UTS2: variants seen among roughly 807,000 people sequenced by gnomAD.
The protein encoded by UTS2 is urotensin 2.
UTS2 carries 10 observed loss-of-function variants against 12.6 expected under a neutral mutation model. The observed-to-expected ratio is 0.80, with a 90% CI of 0.49 to 1.35. The LOEUF is 1.35. Ranked by LOEUF, UTS2 falls within the 40% of genes most tolerant of loss-of-function variation. UTS2 has a pLI of 0.00. For missense variants in UTS2, 142 were observed against 143.2 expected (o/e 0.99, Z 0.04); for synonymous variants, 52 against 50.0 (o/e 1.04, Z -0.17).
the UTS2 span, among the ~76,000 whole-genome samples, chr1:7,867,230 A>G: frequency 6.6e-6 from 1 of 152,214 alleles, no homozygotes; most frequent in Non-Finnish European, 1.5e-5. Flanking sequence ...GAGATCCCCA[A>G]AATATGAAGA....
At chr1:7,881,018 T>C in the UTS2 span, among the ~76,000 whole-genome samples, 1,011 of 149,536 alleles carry the variant, frequency 6.8e-3, 9 homozygotes, top group African/African-American at 0.023. Flanking sequence ...ATACCTCACA[T>C]GAACACAATG....
the UTS2 span, among the ~76,000 whole-genome samples, chr1:7,894,654 A>T: frequency 6.6e-6 from 1 of 151,962 alleles, no homozygotes; most frequent in East Asian, 1.9e-4. Context: ...AGGCCCATGG[A>T]CCCCACCCTG....
the UTS2 span, among the ~76,000 whole-genome samples, chr1:7,896,250 T>A: frequency 6.6e-6 from 1 of 151,912 alleles, no homozygotes; most frequent in Admixed American, 6.6e-5. Flanking sequence ...GGAAGGGATG[T>A]TTATCCATGA....
the UTS2 span, among the ~76,000 whole-genome samples, chr1:7,864,822 GTCAGTTGATTT>G: frequency 6.6e-6 from 1 of 152,194 alleles, no homozygotes; most frequent in Non-Finnish European, 1.5e-5. Context: ...CCTACCTTTT[GTCAGTTGATTT>G]TCTGTGAACA....
chr1:7,875,397 A>C, the UTS2 span, among the ~76,000 whole-genome samples: 2 of 152,130 alleles, frequency 1.3e-5, no homozygotes, highest in Non-Finnish European at 2.9e-5. Context: ...TCTTTATAGC[A>C]GTGTGAAAAT....
chr1:7,887,347 T>G, the UTS2 span, among the ~76,000 whole-genome samples: 1 of 152,018 alleles, frequency 6.6e-6, no homozygotes, highest in African/African-American at 2.4e-5. Flanking sequence ...GAGGAGCCCC[T>G]CCATTGCCAC....
At chr1:7,898,502 G>A in the UTS2 span, among the ~76,000 whole-genome samples, 4 of 151,824 alleles carry the variant, frequency 2.6e-5, 1 homozygote, top group South Asian at 8.3e-4. Flanking sequence ...TTGAGACGGA[G>A]TCTCACTCTG....
chr1:7,898,081 A>G, the UTS2 span, among the ~76,000 whole-genome samples: 1 of 152,220 alleles, frequency 6.6e-6, no homozygotes, highest in East Asian at 1.9e-4. Context: ...AGGGTTGTCC[A>G]TGTATACAAC....
chr1:7,885,369 G>A, the UTS2 span, among the ~76,000 whole-genome samples: 4 of 152,206 alleles, frequency 2.6e-5, no homozygotes, highest in Non-Finnish European at 4.4e-5. Flanking sequence ...GGGTCTGGGA[G>A]GTGGACAATG....
chr1:7,854,709 A>G (rs1638267972), upstream of UTS2, among the ~76,000 whole-genome samples: 1 of 152,136 alleles, frequency 6.6e-6, no homozygotes, highest in African/African-American at 2.4e-5. Context: ...TCTGATTAAT[A>G]ACAATGTATA....
chr1:7,875,118 A>T, the UTS2 span, among the ~76,000 whole-genome samples: 1 of 149,330 alleles, frequency 6.7e-6, no homozygotes, highest in African/African-American at 2.5e-5. Context: ...TCTGTCGCCC[A>T]GGCTGGAGTG....
chr1:7,860,076 C>G, the UTS2 span, among the ~76,000 whole-genome samples: 2 of 152,118 alleles, frequency 1.3e-5, no homozygotes, highest in Non-Finnish European at 2.9e-5. Context: ...ATGTTATTCT[C>G]TCACTCATTC....
At chr1:7,909,420 C>T in the UTS2 span, among the ~76,000 whole-genome samples, 1 of 151,600 alleles carries the variant, frequency 6.6e-6, no homozygotes, top group African/African-American at 2.4e-5. Flanking sequence ...TAGTGCACCC[C>T]TGTAATCCAG....
the UTS2 span, among the ~76,000 whole-genome samples, chr1:7,889,295 A>G: frequency 1.3e-5 from 2 of 150,356 alleles, no homozygotes; most frequent in Non-Finnish European, 3.0e-5. Context: ...TACAAAAACT[A>G]GCCAGGCATG....
chr1:7,874,869 A>C, the UTS2 span, among the ~76,000 whole-genome samples: 197 of 152,140 alleles, frequency 1.3e-3, no homozygotes, highest in African/African-American at 4.5e-3. Flanking sequence ...TGGTTTTATA[A>C]GTGTTTGATA....
At chr1:7,859,773 A>C in the UTS2 span, among the ~76,000 whole-genome samples, 1 of 152,194 alleles carries the variant, frequency 6.6e-6, no homozygotes, top group African/African-American at 2.4e-5. Flanking sequence ...CACGGCAGGC[A>C]GATCACTTGA....
In UTS2 at chr1:7,847,740, G is replaced by T; in HGVS notation, c.*26C>A. The T allele has an allele frequency of 6.5e-7, 1 of 1,536,002 alleles. No individual in the cohort carries two copies. The highest frequency in any genetic ancestry group is 9.0e-7 in the Non-Finnish European group (1 of 1,116,746). On this transcript the variant is annotated 3_prime_UTR_variant, in exon 4 of 4. Transcript: ENST00000361696. Reference sequence around the variant, plus strand: ...CATATTCTAAGATGGGTGTTTCTGAGCTGACTAACAGATGCTTATTTCACT... The same window carrying T: ...CATATTCTAAGATGGGTGTTTCTGATCTGACTAACAGATGCTTATTTCACT...
the UTS2 span, among the ~76,000 whole-genome samples, chr1:7,888,136 C>A: frequency 2.0e-5 from 3 of 152,208 alleles, no homozygotes; most frequent in African/African-American, 7.2e-5. Context: ...CGGATTGATT[C>A]ATTTCGTTGT....
Position 7,852,945 on chromosome 1 carries a change from G to A in UTS2, c.59C>T (p.Ser20Phe), listed in dbSNP as rs2097415635. The A allele has an allele frequency of 6.2e-7, 1 of 1,613,322 alleles. No homozygotes were observed. Among genetic ancestry groups the A allele is most frequent in the Non-Finnish European group, 8.5e-7 (1 of 1,179,766 alleles). The change falls in exon 1 of 4, where the codon TCT becomes TTT. Residue 20 changes from serine (S) to phenylalanine (F), a missense_variant. Ser to Phe is a radical substitution (Grantham distance 155). Transcript: ENST00000361696. ...TTCCCTGGAGTCAAGGAGAGGAAGA[G>A]ATAAGAGAGGATTTAAGAATCCTAT... ...LFIGFLNPLL[S>F]LPLLDSREIS...
Sources: allele counts gnomAD v4.1 joint callset (sites outside exome capture counted in the v4.1 genomes callset), GRCh38; gene constraint gnomAD v4.1.1; transcripts MANE v1.5; gene names NCBI Gene and HGNC (gene_info 2026-07-23, HGNC 2026-07-21).